The following CAMSAP2 variants were observed in gnomAD, a reference collection of about 807,000 sequenced individuals.
CAMSAP2 encodes the protein calmodulin-regulated spectrin-associated protein 2.
In CAMSAP2, 26 loss-of-function variants were observed where a neutral mutation model predicts 146.1. The ratio of observed to expected loss-of-function variants is 0.18; its 90% confidence interval spans 0.13 to 0.25. CAMSAP2 has a LOEUF of 0.25. Among genes scored for constraint, CAMSAP2 ranks in the 10% least tolerant of loss-of-function variants. The probability of loss-of-function intolerance (pLI) is 1.00; values close to 1 mark genes in which losing one functional copy is unlikely to be tolerated. For missense variants in CAMSAP2, 1,381 were observed against 1,759.3 expected (o/e 0.78, Z 3.85); for synonymous variants, 499 against 596.6 (o/e 0.84, Z 2.38).
At chr1:200,750,900 CCTT>C (rs1664485475) in intron 1 of CAMSAP2, among the ~76,000 whole-genome samples, 1 of 90,182 alleles carries the variant, frequency 1.1e-5, no homozygotes. Context: ...ACCGCGCCTG[CCTT>C]TTTTTTTTTT....
At chr1:200,749,946 G>A (rs1664452257) in intron 1 of CAMSAP2, among the ~76,000 whole-genome samples, 1 of 152,162 alleles carries the variant, frequency 6.6e-6, no homozygotes, top group African/African-American at 2.4e-5. Flanking sequence ...GGAACTGAAT[G>A]TGACTGGCAG....
intron 2 of CAMSAP2, among the ~76,000 whole-genome samples, chr1:200,787,612 A>G (rs1665630579): frequency 6.6e-6 from 1 of 152,210 alleles, no homozygotes; most frequent in African/African-American, 2.4e-5. Context: ...ACAACAAACA[A>G]TGGATTTACA....
In CAMSAP2 at chr1:200,844,802, C is replaced by T. The variant is rs1407825665; in HGVS notation, c.1042C>T (p.Pro348Ser). 6.3e-7 allele frequency: 1 copy of T among 1,589,292 alleles called. No individual in the cohort carries two copies. Among genetic ancestry groups the T allele is most frequent in the African/African-American group, 1.4e-5 (1 of 73,966 alleles). ...PQGAEPVKDMPSIPVLNAAKR... is the reference protein window; with the variant it reads ...PQGAEPVKDMSSIPVLNAAKR... Reference sequence around the variant, plus strand: ...TCCAGCTGAACCTGTAAAAGATATGCCTTCAATTCCTGTCTTGAATGCTGC... The same window carrying T: ...TCCAGCTGAACCTGTAAAAGATATGTCTTCAATTCCTGTCTTGAATGCTGC... The change falls in exon 8 of 17, where the codon CCT becomes TCT. Residue 348 changes from proline to serine, a missense_variant. Pro to Ser is a moderately conservative substitution (Grantham distance 74, BLOSUM62 -1). Coordinates refer to ENST00000358823, the MANE Select transcript of CAMSAP2 (RefSeq NM_203459.4).
Position 200,815,631 on chromosome 1 carries a change from C to T in CAMSAP2, c.632C>T (p.Pro211Leu). Reference sequence around the variant, plus strand: ...AAAGAACATCACACAGTTGAAGCTCCAGGAGGTCAAAAGGTATTTATTTCA... The same window carrying T: ...AAAGAACATCACACAGTTGAAGCTCTAGGAGGTCAAAAGGTATTTATTTCA... ...KLKEHHTVEAPGGQKARYRKE... is the reference protein window; with the variant it reads ...KLKEHHTVEALGGQKARYRKE... The change falls in exon 4 of 17, where the codon CCA becomes CTA. Residue 211 changes from proline to leucine, a missense_variant. Physicochemically the swap from Pro to Leu is moderately conservative, Grantham distance 98. Transcript: ENST00000358823. 6.4e-7 allele frequency: 1 copy of T among 1,563,182 alleles called. No individual in the cohort carries two copies. Among genetic ancestry groups the T allele is most frequent in the Non-Finnish European group, 8.7e-7 (1 of 1,156,006 alleles).
chr1:200,755,195 A>G (rs908594050), intron 1 of CAMSAP2, among the ~76,000 whole-genome samples: 3 of 152,212 alleles, frequency 2.0e-5, no homozygotes, highest in East Asian at 1.9e-4. Context: ...TTAGAAACCA[A>G]GATACAGGTG....
intron 2 of CAMSAP2, among the ~76,000 whole-genome samples, chr1:200,781,534 G>T (rs111782733): frequency 2.4e-5 from 3 of 122,846 alleles, no homozygotes; most frequent in Admixed American, 7.8e-5. Context: ...CTGTTTTTTT[G>T]TTGTATGTTT....
chr1:200,780,622 C>T (rs1158075214), intron 2 of CAMSAP2, among the ~76,000 whole-genome samples: 1 of 152,146 alleles, frequency 6.6e-6, no homozygotes, highest in East Asian at 1.9e-4. Flanking sequence ...CTTAGTTCCA[C>T]CTCTAAGGCA....
At chr1:200,804,472 CAT>C (rs1196727569) in intron 2 of CAMSAP2, among the ~76,000 whole-genome samples, 1 of 152,062 alleles carries the variant, frequency 6.6e-6, no homozygotes, top group African/African-American at 2.4e-5. Flanking sequence ...TATCCTCTCT[CAT>C]GTGTTTATAG....
chr1:200,854,783 T>A lies in CAMSAP2; in HGVS notation c.3824-34T>A, dbSNP rs774078989. 3.8e-6 allele frequency: 6 copies of A among 1,561,272 alleles called. No homozygotes were observed. The South Asian group carries it at 7.0e-5, about 18-fold the overall frequency. On this transcript the variant is annotated intron_variant, in intron 13 of 16. Coordinates refer to ENST00000358823, the MANE Select transcript of CAMSAP2 (RefSeq NM_203459.4). ...CCTTTTAAATTTCTGATTTTGTTTT[T>A]ATTCAGGATCATGAATTTATCGTGT...
chr1:200,795,982 A>ATAGC (rs1665874212), intron 2 of CAMSAP2, among the ~76,000 whole-genome samples: 1 of 152,218 alleles, frequency 6.6e-6, no homozygotes, highest in Middle Eastern at 3.2e-3. Context: ...TAAAATAAAA[A>ATAGC]TAGCAGTTTT....
At chr1:200,762,610 T>TAA (rs1213971257) in intron 2 of CAMSAP2, among the ~76,000 whole-genome samples, 40 of 152,298 alleles carry the variant, frequency 2.6e-4, no homozygotes, top group African/African-American at 7.7e-4. Context: ...AAGCAGTGTT[T>TAA]GTTTAGTTGC....
At chr1:200,791,446 A>G (rs2103031905) in intron 2 of CAMSAP2, among the ~76,000 whole-genome samples, 1 of 152,220 alleles carries the variant, frequency 6.6e-6, no homozygotes, top group East Asian at 1.9e-4. Flanking sequence ...ATTTCTCTGA[A>G]TATTATCCCC....
chr1:200,806,412 T>C (rs921113169), intron 2 of CAMSAP2, among the ~76,000 whole-genome samples: 2 of 152,152 alleles, frequency 1.3e-5, no homozygotes, highest in African/African-American at 4.8e-5. Flanking sequence ...TAAAAGTGAA[T>C]AATATCTAAT....
intron 2 of CAMSAP2, among the ~76,000 whole-genome samples, chr1:200,805,343 G>A (rs146117837): frequency 0.013 from 1,961 of 152,306 alleles, 19 homozygotes; most frequent in Non-Finnish European, 0.021. Context: ...CAAAAGGCTA[G>A]CTTCTTTCTT....
At chr1:200,841,353 TCTC>T (rs1440446961) in intron 6 of CAMSAP2, among the ~76,000 whole-genome samples, 4 of 152,166 alleles carry the variant, frequency 2.6e-5, no homozygotes, top group Non-Finnish European at 5.9e-5. Flanking sequence ...TTCAAGCTAT[TCTC>T]CTACCTCAGC....
intron 2 of CAMSAP2, among the ~76,000 whole-genome samples, chr1:200,763,178 G>A (rs1664847026): frequency 6.6e-6 from 1 of 152,106 alleles, no homozygotes; most frequent in African/African-American, 2.4e-5. Context: ...GAGATTACAG[G>A]TGCACGGCAT....
chr1:200,848,412 T>A lies in CAMSAP2; in HGVS notation c.1643T>A (p.Ile548Lys). 1 of 1,613,966 alleles carries A rather than the reference T, an allele frequency of 6.2e-7. No homozygotes were observed. Among genetic ancestry groups the A allele is most frequent in the Non-Finnish European group, 8.5e-7 (1 of 1,179,966 alleles). The change falls in exon 11 of 17, where the codon ATA (isoleucine) becomes AAA (lysine). Residue 548 changes from isoleucine to lysine, a missense_variant. Ile to Lys is a moderately radical substitution (Grantham distance 102). Around this residue, in one of 4 missense-constraint regions of CAMSAP2, gnomAD observed 447 missense variants for 462.2 expected, o/e 0.97. Coordinates refer to ENST00000358823, the MANE Select transcript of CAMSAP2 (RefSeq NM_203459.4). ...ETPSIEEALQ[I>K]IHDTEKSPHT... ...CCAAGCATTGAAGAAGCATTACAAATAATTCATGATACTGAAAAATCTCCT... is the reference window on the plus strand; with the variant it reads ...CCAAGCATTGAAGAAGCATTACAAAAAATTCATGATACTGAAAAATCTCCT...
intron 1 of CAMSAP2, among the ~76,000 whole-genome samples, chr1:200,748,007 A>C (rs1319829789): frequency 6.8e-6 from 1 of 147,826 alleles, no homozygotes; most frequent in African/African-American, 2.5e-5. Flanking sequence ...AAAAAAAAAG[A>C]AAATGGCTGT....
Position 200,832,900 on chromosome 1 carries a change from A to C in CAMSAP2, c.927+55A>C. On this transcript the variant is annotated intron_variant, in intron 6 of 16. Coordinates refer to ENST00000358823, the MANE Select transcript of CAMSAP2 (RefSeq NM_203459.4). This position sits in a 1 kb window ranked among gnomAD's most constrained non-coding sequence, Gnocchi z 4.2. ...GCTTTGTTAAAATATGTTTTTTTAA[A>C]AAACAAACAAAAACACCGGGAACAG... 7.0e-7 allele frequency: 1 copy of C among 1,418,902 alleles called. No homozygotes were observed. Among genetic ancestry groups the C allele is most frequent in the South Asian group, 1.4e-5 (1 of 71,364 alleles). The allele number at this position is 1,418,902 out of a possible 1,614,324, so 87.9% of individuals were successfully genotyped here. A position where few individuals can be genotyped will look rare whatever the true frequency, so the allele number is the denominator to read the frequency against.
Sources: gnomAD v4.1 joint callset for allele counts (sites outside exome capture counted in the v4.1 genomes callset) on GRCh38, gnomAD v4.1.1 for gene constraint, gnomAD v4.1.1 regional missense constraint, Gnocchi (gnomAD v3.1) non-coding constraint, MANE v1.5 for transcripts, NCBI Gene and HGNC (gene_info 2026-07-23, HGNC 2026-07-21) for gene names.